The following CTNND2 variants were observed in gnomAD, a reference collection of about 807,000 sequenced individuals.
CTNND2 encodes catenin delta 2.
Under a neutral mutation model 144.4 loss-of-function variants are expected in CTNND2, and 22 were observed. The ratio of observed to expected loss-of-function variants is 0.15; its 90% CI spans 0.11 to 0.22. The LOEUF (loss-of-function observed/expected upper bound fraction) is 0.22, where lower values mean the gene tolerates loss of function less well. Ranked by LOEUF, CTNND2 falls within the 10% of genes least tolerant of loss-of-function variation. The probability of loss-of-function intolerance (pLI) is 1.00; values close to 1 mark genes in which losing one functional copy is unlikely to be tolerated. For synonymous variants in CTNND2, 751 were observed against 695.6 expected, an observed-to-expected ratio of 1.08 and a Z score of -1.25; for missense variants, 1,353 against 1,618.8, an observed-to-expected ratio of 0.84 and a Z score of 2.82.
chr5:11,118,761 A>C (rs1561332543), intron 12 of CTNND2, among the ~76,000 whole-genome samples: 1 of 152,214 alleles, frequency 6.6e-6, no homozygotes, highest in Non-Finnish European at 1.5e-5. Context: ...TAATTGACCC[A>C]GGTAGTCTCA....
intron 1 of CTNND2, among the ~76,000 whole-genome samples, chr5:11,846,646 T>C (rs1794748982): frequency 6.6e-6 from 1 of 151,966 alleles, no homozygotes; most frequent in African/African-American, 2.4e-5. Flanking sequence ...AACAATAAAG[T>C]GAAGAGACAC....
rs138111316 is a variant in CTNND2 at position 11,623,006 on chromosome 5, G to A, written c.175-57950C>T. 1.8e-3 allele frequency among the ~76,000 whole-genome samples: 267 copies of A among 152,144 alleles called. 1 individual carries two copies. The highest frequency in any genetic ancestry group is 0.01 in the Middle Eastern group (3 of 294). ...GACTGGTTTATTTTTGGTACCATAA[G>A]AGGACAATTTACTGGCAAACTGTTC... On this transcript the variant is annotated intron_variant, in intron 2 of 21. Transcript: ENST00000304623.
At chr5:11,143,764 A>G (rs1756971453) in intron 12 of CTNND2, among the ~76,000 whole-genome samples, 1 of 152,244 alleles carries the variant, frequency 6.6e-6, no homozygotes. Context: ...CTGGTGGGTG[A>G]TGAAGCTCTG....
chr5:11,181,764 G>A (rs1221724167), intron 11 of CTNND2, among the ~76,000 whole-genome samples: 1 of 149,148 alleles, frequency 6.7e-6, no homozygotes, highest in Non-Finnish European at 1.5e-5. Flanking sequence ...GTGTATGTGT[G>A]TGTGTGTGTG....
intron 2 of CTNND2, among the ~76,000 whole-genome samples, chr5:11,607,439 T>G (rs906188607): frequency 1.3e-5 from 2 of 152,064 alleles, no homozygotes; most frequent in Non-Finnish European, 2.9e-5. Flanking sequence ...AAGAAAAAAA[T>G]AATTTTATTA....
At position 11,903,281 on chromosome 5, in the gene CTNND2, T is replaced by C; in HGVS notation, c.37+536A>G. Reference sequence around the variant, plus strand: ...AGGCTTGCTGGGAAGCCGCTAAATATAGACCAAGGGGGCTCAGGGTCTGGC... The same window carrying C: ...AGGCTTGCTGGGAAGCCGCTAAATACAGACCAAGGGGGCTCAGGGTCTGGC... On this transcript the variant is annotated intron_variant, in intron 1 of 21. Coordinates refer to ENST00000304623, the MANE Select transcript of CTNND2 (RefSeq NM_001332.4). The surrounding 1 kb of genome is among the most constrained non-coding windows in gnomAD (Gnocchi z 5.4). 1.0e-6 allele frequency: 1 copy of C among 985,518 alleles called. No homozygotes were observed. The highest frequency in any genetic ancestry group is 1.2e-6 in the Non-Finnish European group (1 of 830,050). The allele number at this position is 985,518 out of a possible 1,614,324, so 61.0% of individuals were successfully genotyped here. A position where few individuals can be genotyped will look rare whatever the true frequency, so the allele number is the denominator to read the frequency against.
At chr5:11,804,676 A>G (rs1020966017) in intron 1 of CTNND2, among the ~76,000 whole-genome samples, 4 of 152,182 alleles carry the variant, frequency 2.6e-5, no homozygotes, top group Admixed American at 2.6e-4. Flanking sequence ...ATAAAAATAA[A>G]AAGATGAGTG....
At position 11,471,422 on chromosome 5, in the gene CTNND2, T is replaced by G. The variant is rs180694045; in HGVS notation, c.288-59353A>C. On this transcript the variant is annotated intron_variant, in intron 3 of 21. Transcript: ENST00000304623. ...AATTAAAAAAGTTTCTTCGATTGTTTCTTTAACAAAGAGAATCAAGGACTG... is the reference window on the plus strand; with the variant it reads ...AATTAAAAAAGTTTCTTCGATTGTTGCTTTAACAAAGAGAATCAAGGACTG... Among the ~76,000 whole-genome samples the G allele has an allele frequency of 3.4e-3, 523 of 152,312 alleles. 6 individuals are homozygous for G. Among genetic ancestry groups the G allele is most frequent in the African/African-American group, 0.012 (488 of 41,568 alleles).
At chr5:11,725,121 G>T (rs530252109) in intron 2 of CTNND2, among the ~76,000 whole-genome samples, 51 of 152,312 alleles carry the variant, frequency 3.3e-4, no homozygotes, top group Middle Eastern at 6.8e-3. Context: ...TGCGTTTTAT[G>T]ATTGCAGCCC....
chr5:11,874,422 T>C (rs764707513), intron 1 of CTNND2, among the ~76,000 whole-genome samples: 1 of 151,994 alleles, frequency 6.6e-6, no homozygotes, highest in African/African-American at 2.4e-5. Context: ...AGTGGGAGAT[T>C]AACAATAACT....
At chr5:11,783,900 C>T (rs1044554380) in intron 1 of CTNND2, among the ~76,000 whole-genome samples, 5 of 152,196 alleles carry the variant, frequency 3.3e-5, no homozygotes, top group South Asian at 4.1e-4. Context: ...CTATAGATGT[C>T]TCTCGATGGC....
chr5:11,759,073 A>C (rs938334479), intron 1 of CTNND2, among the ~76,000 whole-genome samples: 4 of 152,070 alleles, frequency 2.6e-5, no homozygotes, highest in Non-Finnish European at 5.9e-5. Context: ...AAAAAAACAA[A>C]ATTTCTGTAA....
intron 12 of CTNND2, among the ~76,000 whole-genome samples, chr5:11,124,053 TA>T (rs2149705021): frequency 6.6e-6 from 1 of 152,334 alleles, no homozygotes; most frequent in Non-Finnish European, 1.5e-5. Flanking sequence ...TGGAGCATCT[TA>T]ATTTTTTGAC....
chr5:11,721,594 C>T (rs1286325597), intron 2 of CTNND2, among the ~76,000 whole-genome samples: 1 of 152,214 alleles, frequency 6.6e-6, no homozygotes, highest in Non-Finnish European at 1.5e-5. Flanking sequence ...ATGGCCTCTG[C>T]TTCACACAGC....
chr5:11,818,978 G>A (rs1793166615), intron 1 of CTNND2, among the ~76,000 whole-genome samples: 2 of 152,232 alleles, frequency 1.3e-5, no homozygotes. Flanking sequence ...AACCTGTTGA[G>A]AGGCTTATAA....
chr5:11,475,824 T>G (rs1462924421), intron 3 of CTNND2, among the ~76,000 whole-genome samples: 1 of 152,114 alleles, frequency 6.6e-6, no homozygotes, highest in African/African-American at 2.4e-5. Context: ...TACCAGATGA[T>G]TCTGGGGACT....
intron 1 of CTNND2, among the ~76,000 whole-genome samples, chr5:11,757,096 C>T (rs891562926): frequency 1.1e-4 from 16 of 151,638 alleles, no homozygotes; most frequent in African/African-American, 3.6e-4. Flanking sequence ...GGGTATTCTG[C>T]TAGTTTTCCC....
At chr5:11,865,915 A>AAAAAAAAAAC (rs1553986082) in intron 1 of CTNND2, among the ~76,000 whole-genome samples, 2,007 of 149,184 alleles carry the variant, frequency 0.013, 101 homozygotes, top group East Asian at 0.032. Context: ...AAAAAAAAAA[A>AAAAAAAAAAC]CGAGTTCTCC....
intron 16 of CTNND2, among the ~76,000 whole-genome samples, chr5:11,074,022 A>C (rs1474268421): frequency 6.6e-6 from 1 of 152,252 alleles, no homozygotes; most frequent in Non-Finnish European, 1.5e-5. Context: ...AAGTGAACTT[A>C]CATATTTCCA....
Sources: allele counts gnomAD v4.1 joint callset (sites outside exome capture counted in the v4.1 genomes callset), GRCh38; gene constraint gnomAD v4.1.1; non-coding constraint Gnocchi (gnomAD v3.1); transcripts MANE v1.5; gene names NCBI Gene and HGNC (gene_info 2026-07-23, HGNC 2026-07-21).